Variants in CPNE4 observed in about 807,000 individuals in gnomAD.
The protein encoded by CPNE4 is copine-4.
A neutral mutation model predicts 67.9 loss-of-function variants in CPNE4; 25 were observed. The ratio of observed to expected loss-of-function variants is 0.37; its 90% CI spans 0.27 to 0.51. CPNE4 has a LOEUF of 0.51. Among genes scored for constraint, CPNE4 ranks in the 20% least tolerant of loss-of-function variants. CPNE4 has a pLI of 0.93. For synonymous variants in CPNE4, 242 were observed against 244.9 expected (o/e 0.99, Z 0.11); for missense variants, 464 against 690.8 (o/e 0.67, Z 3.68).
intron 1 of CPNE4, among the ~76,000 whole-genome samples, chr3:131,971,922 G>C (rs1384006955): frequency 6.6e-6 from 1 of 152,130 alleles, no homozygotes; most frequent in African/African-American, 2.4e-5. Context: ...CATATGATTT[G>C]CCTTTGTTTC....
At chr3:131,977,737 G>C (rs1008685343) in intron 1 of CPNE4, among the ~76,000 whole-genome samples, 1 of 151,832 alleles carries the variant, frequency 6.6e-6, no homozygotes, top group African/African-American at 2.4e-5. Context: ...TTGGCTACAT[G>C]AGTAAGTTCT....
At chr3:131,693,148 G>A (rs566194104) in intron 5 of CPNE4, among the ~76,000 whole-genome samples, 1 of 152,230 alleles carries the variant, frequency 6.6e-6, no homozygotes, top group South Asian at 2.1e-4. Flanking sequence ...GACTGTTTCT[G>A]TCAAAAAGAA....
intron 1 of CPNE4, among the ~76,000 whole-genome samples, chr3:131,960,992 T>C (rs76782159): frequency 0.023 from 3,489 of 152,218 alleles, 131 homozygotes; most frequent in African/African-American, 0.079. Flanking sequence ...CTTGGTCCTA[T>C]AACAATGGTA....
At chr3:131,757,016 G>A (rs2082767512) in intron 2 of CPNE4, among the ~76,000 whole-genome samples, 1 of 152,156 alleles carries the variant, frequency 6.6e-6, no homozygotes, top group African/African-American at 2.4e-5. Flanking sequence ...CCAGCCATGT[G>A]GAACTGTAAG....
chr3:131,636,292 G>A (rs111427521), intron 7 of CPNE4, among the ~76,000 whole-genome samples: 19 of 152,224 alleles, frequency 1.2e-4, no homozygotes, highest in South Asian at 2.1e-4. Flanking sequence ...GCTGTTGAGC[G>A]GGGTTGCTTG....
intron 7 of CPNE4, among the ~76,000 whole-genome samples, chr3:131,662,004 C>T (rs2080138751): frequency 6.6e-6 from 1 of 151,962 alleles, no homozygotes; most frequent in Non-Finnish European, 1.5e-5. Flanking sequence ...GGATCAATGC[C>T]AAGGATTCAG....
intron 7 of CPNE4, among the ~76,000 whole-genome samples, chr3:131,630,404 A>G (rs1258507269): frequency 6.6e-6 from 1 of 152,248 alleles, no homozygotes; most frequent in Non-Finnish European, 1.5e-5. Context: ...TCAGGGCCTC[A>G]GTCTGAACTC....
At chr3:131,776,334 ACTGATAGCAAATGG>A (rs1261314017) in intron 2 of CPNE4, among the ~76,000 whole-genome samples, 1 of 144,584 alleles carries the variant, frequency 6.9e-6, no homozygotes, top group East Asian at 2.0e-4. Flanking sequence ...ACAGAGTTTC[ACTGATAGCAAATGG>A]CAGAACAGGA....
chr3:131,674,484 G>T (rs2080508420), intron 6 of CPNE4, among the ~76,000 whole-genome samples: 1 of 151,872 alleles, frequency 6.6e-6, no homozygotes, highest in South Asian at 2.1e-4. Context: ...ATTTTATCAT[G>T]ACTTTGATCT....
At chr3:131,872,101 A>C (rs1306991702) in intron 2 of CPNE4, among the ~76,000 whole-genome samples, 2 of 152,292 alleles carry the variant, frequency 1.3e-5, no homozygotes, top group Admixed American at 6.5e-5. Flanking sequence ...ACAGAAGTGC[A>C]TGACCTCTCA....
chr3:131,739,043 CAG>C (rs941297706), intron 2 of CPNE4, among the ~76,000 whole-genome samples: 1 of 151,892 alleles, frequency 6.6e-6, no homozygotes, highest in Admixed American at 6.6e-5. Context: ...TTAGTAGAGA[CAG>C]GGTTTCGCCA....
At chr3:131,825,877 G>A (rs1429732773) in intron 2 of CPNE4, among the ~76,000 whole-genome samples, 1 of 152,118 alleles carries the variant, frequency 6.6e-6, no homozygotes, top group Admixed American at 6.6e-5. Context: ...AGACAGAGTT[G>A]GAAGTAATTT....
At chr3:131,897,899 G>GA (rs1019894072) in intron 2 of CPNE4, among the ~76,000 whole-genome samples, 12 of 147,592 alleles carry the variant, frequency 8.1e-5, no homozygotes, top group Admixed American at 4.7e-4. Context: ...GTCTCTTAAA[G>GA]AAAAAAAAAG....
rs549324072 is a variant in CPNE4 at position 131,644,261 on chromosome 3, C to T, written c.681+25414G>A. Among the ~76,000 whole-genome samples the T allele has an allele frequency of 7.2e-5, 11 of 152,124 alleles. No individual in the cohort carries two copies. In the East Asian group the frequency reaches 1.9e-3, roughly 27 times the overall value. ...CTCCCGGGTTCAAGCCATTCTCCTG[C>T]CTCAACCTCCCGAGTAGCTGGGACT... is the stretch of plus-strand genomic sequence containing the variant. On this transcript the variant is annotated intron_variant, in intron 7 of 15. Coordinates refer to ENST00000429747, the MANE Select transcript of CPNE4 (RefSeq NM_130808.3).
chr3:131,767,046 C>A (rs886625078), intron 2 of CPNE4, among the ~76,000 whole-genome samples: 28 of 152,142 alleles, frequency 1.8e-4, no homozygotes, highest in African/African-American at 6.8e-4. Flanking sequence ...TAATTTTTTT[C>A]TCCTTATGTG....
chr3:131,671,670 G>T (rs9852015), intron 6 of CPNE4, among the ~76,000 whole-genome samples: 43,845 of 151,934 alleles, frequency 0.29, 6,587 homozygotes, highest in Middle Eastern at 0.33. Context: ...AAATTCTTGG[G>T]AACAGGAGAA....
At chr3:131,546,959 C>T (rs188595122) in intron 14 of CPNE4, among the ~76,000 whole-genome samples, 24 of 152,202 alleles carry the variant, frequency 1.6e-4, no homozygotes, top group Non-Finnish European at 2.9e-4. Flanking sequence ...AGCAAGTTAT[C>T]ATTTGAAGAA....
intron 2 of CPNE4, among the ~76,000 whole-genome samples, chr3:131,800,800 C>G (rs1447572649): frequency 6.6e-6 from 1 of 152,126 alleles, no homozygotes; most frequent in East Asian, 1.9e-4. Context: ...ACTTTGGTAG[C>G]AATGGAAGAA....
intron 1 of CPNE4, among the ~76,000 whole-genome samples, chr3:131,979,426 C>T (rs1306691910): frequency 6.6e-6 from 1 of 152,148 alleles, no homozygotes; most frequent in Non-Finnish European, 1.5e-5. Context: ...AGGCTTTTAC[C>T]ATTATGTAAT....
Sources: gnomAD v4.1 joint callset for allele counts (sites outside exome capture counted in the v4.1 genomes callset) on GRCh38, gnomAD v4.1.1 for gene constraint, MANE v1.5 for transcripts, NCBI Gene and HGNC (gene_info 2026-07-23, HGNC 2026-07-21) for gene names.